Variants in RXFP2 observed in about 807,000 individuals in gnomAD.
The protein encoded by RXFP2 is relaxin family peptide receptor 2.
A neutral mutation model predicts 88.6 loss-of-function variants in RXFP2; 68 were observed. The ratio of observed to expected loss-of-function variants is 0.77; its 90% CI spans 0.63 to 0.94. The LOEUF (loss-of-function observed/expected upper bound fraction) is 0.94, where lower values mean the gene tolerates loss of function less well. RXFP2 is among the 40% of genes least tolerant of loss of function. The probability of loss-of-function intolerance (pLI) is 0.00; values close to 1 mark genes in which losing one functional copy is unlikely to be tolerated. For synonymous variants in RXFP2, 329 were observed against 306.8 expected, an observed-to-expected ratio of 1.07 and a Z score of -0.76; for missense variants, 791 against 893.9, an observed-to-expected ratio of 0.88 and a Z score of 1.47.
intron 1 of RXFP2, among the ~76,000 whole-genome samples, chr13:31,753,270 A>G (rs962316113): frequency 7.9e-5 from 12 of 152,200 alleles, no homozygotes; most frequent in Admixed American, 2.0e-4. Flanking sequence ...CCAATAATCC[A>G]GGGAAAGTGT....
At chr13:31,757,444 A>G (rs1354262986) in intron 1 of RXFP2, among the ~76,000 whole-genome samples, 1 of 152,214 alleles carries the variant, frequency 6.6e-6, no homozygotes, top group Non-Finnish European at 1.5e-5. Context: ...CAAACAGTAG[A>G]CCCAGTAGAC....
In RXFP2 at chr13:31,755,408, C is replaced by T. The variant is rs370235253; in HGVS notation, c.95-2850C>T. Among the ~76,000 whole-genome samples the T allele has an allele frequency of 1.4e-3, 212 of 151,466 alleles. 1 individual carries two copies. Among genetic ancestry groups the T allele is most frequent in the African/African-American group, 4.6e-3 (190 of 41,278 alleles). On this transcript the variant is annotated intron_variant, in intron 1 of 17. Coordinates refer to ENST00000298386, the MANE Select transcript of RXFP2 (RefSeq NM_130806.5). ...GGGTGTGGGTGTGGGCATGAGTGTG[C>T]GTGGGTGTGTGCTAGTGTGTGTGGG... is the stretch of plus-strand genomic sequence containing the variant.
intron 1 of RXFP2, among the ~76,000 whole-genome samples, chr13:31,754,286 T>C (rs1200854792): frequency 6.6e-6 from 1 of 152,202 alleles, no homozygotes; most frequent in East Asian, 1.9e-4. Flanking sequence ...ATCTCAGCAC[T>C]TTGGGAGGCC....
chr13:31,776,305 G>C (rs1240707661), intron 7 of RXFP2, among the ~76,000 whole-genome samples: 1 of 135,006 alleles, frequency 7.4e-6, no homozygotes, highest in African/African-American at 2.8e-5. Flanking sequence ...ACACAGGCTG[G>C]AGTGCACTGG....
At chr13:31,740,478 A>G (rs1871187268) in intron 1 of RXFP2, among the ~76,000 whole-genome samples, 1 of 152,046 alleles carries the variant, frequency 6.6e-6, no homozygotes, top group African/African-American at 2.4e-5. Flanking sequence ...TTTTTCTTAA[A>G]GAATTTTGAT....
chr13:31,756,898 C>T (rs1433124740), intron 1 of RXFP2, among the ~76,000 whole-genome samples: 4 of 151,948 alleles, frequency 2.6e-5, no homozygotes, highest in Admixed American at 6.6e-5. Context: ...GGATTACAGG[C>T]GTGAGCTACT....
chr13:31,759,176 A>G (rs1041477383), intron 2 of RXFP2, among the ~76,000 whole-genome samples: 4 of 151,864 alleles, frequency 2.6e-5, no homozygotes, highest in African/African-American at 9.7e-5. Flanking sequence ...AGCTCAAGGG[A>G]GACAAGTGTC....
intron 15 of RXFP2, 89 bp downstream of exon 15, chr13:31,792,124 A>G (rs556709598): frequency 2.1e-6 from 2 of 940,446 alleles, no homozygotes; most frequent in African/African-American, 1.7e-5. Context: ...CTTTCAACAA[A>G]TGGCATTTAA....
At position 31,761,743 on chromosome 13, in the gene RXFP2, G is replaced by T. The variant is rs9532479; in HGVS notation, c.261G>T (p.Ala87=). 2 of 1,611,954 alleles carry T rather than the reference G, an allele frequency of 1.2e-6. No individual in the cohort carries two copies. Among genetic ancestry groups the T allele is most frequent in the African/African-American group, 1.3e-5 (1 of 74,886 alleles). The change falls in exon 3 of 18, where the codon GCG becomes GCT. Residue 87 remains alanine, a synonymous_variant. Coordinates refer to ENST00000298386, the MANE Select transcript of RXFP2 (RefSeq NM_130806.5). ...EENCGDTSGW[A]TIFGTVHGNA... is the part of the protein sequence containing the mutation. ...TCACAGGTGACACTAGTGGATGGGC[G>T]ACCATATTTGGCACAGTGCATGGAA...
At chr13:31,766,160 G>A in intron 5 of RXFP2, 133 bp downstream of exon 5, 1 of 619,536 alleles carries the variant, frequency 1.6e-6, no homozygotes, top group South Asian at 2.0e-5. Flanking sequence ...ATTAAGATTA[G>A]AAAATAAAAC....
chr13:31,795,964 C>T (rs547333089), intron 16 of RXFP2, among the ~76,000 whole-genome samples: 2 of 147,738 alleles, frequency 1.4e-5, no homozygotes, highest in Non-Finnish European at 3.0e-5. Context: ...AGGTTCTGAA[C>T]CACAGTAGTT....
In RXFP2 at chr13:31,802,427, C is replaced by CT; in HGVS notation, c.*25dup. The CT allele has an allele frequency of 6.2e-7, 1 of 1,611,388 alleles. No homozygotes were observed. Among genetic ancestry groups the CT allele is most frequent in the Non-Finnish European group, 8.5e-7 (1 of 1,178,556 alleles). Reference sequence around the variant, plus strand: ...CTAGCAATCATTTTGGATCACTGGACTTTCAGTGGACTACCTAAAACAGGG... The same window carrying CT: ...CTAGCAATCATTTTGGATCACTGGACTTTTCAGTGGACTACCTAAAACAGGG... On this transcript the variant is annotated 3_prime_UTR_variant, in exon 18 of 18. Coordinates refer to ENST00000298386, the MANE Select transcript of RXFP2 (RefSeq NM_130806.5).
chr13:31,774,881 G>T (rs1024658411), intron 6 of RXFP2, among the ~76,000 whole-genome samples, 190 bp downstream of exon 6: 1 of 152,134 alleles, frequency 6.6e-6, no homozygotes, highest in East Asian at 1.9e-4. Flanking sequence ...GACATACAAA[G>T]GTTCTCCTTA....
At chr13:31,797,463 C>T in intron 17 of RXFP2, 44 bp downstream of exon 17, 1 of 1,415,414 alleles carries the variant, frequency 7.1e-7, no homozygotes, top group Non-Finnish European at 1.0e-6. Flanking sequence ...ATCGTGCCTT[C>T]TTACGTCCTT....
rs780922371 is a variant in RXFP2 at position 31,802,363 on chromosome 13, CA to C, written c.2227del (p.Ile743Ter). 15 of 1,613,992 alleles carry C rather than the reference CA, an allele frequency of 9.3e-6. No homozygotes were observed. Among genetic ancestry groups the C allele is most frequent in the Non-Finnish European group, 1.3e-5 (15 of 1,179,960 alleles). On this transcript the variant is annotated frameshift_variant, in exon 18 of 18. Coordinates refer to ENST00000298386, the MANE Select transcript of RXFP2 (RefSeq NM_130806.5). LOFTEE classifies it high-confidence loss of function. The stretch of plus-strand genomic sequence containing the variant: ...CTTCCCTGAAACTTGGGGTTTTGAA[CA>C]AAATAACACTTGGAGACAGTATAAT... ...SSSLKLGVLN[K>X]ITLGDSIMKP...
At position 31,797,406 on chromosome 13, in the gene RXFP2, G is replaced by C. The variant is rs773513880; in HGVS notation, c.1992G>C (p.Arg664=). 6.2e-7 allele frequency: 1 copy of C among 1,613,292 alleles called. No individual in the cohort carries two copies. Among genetic ancestry groups the C allele is most frequent in the South Asian group, 1.1e-5 (1 of 91,054 alleles). ...VFVVKILSLF[R]VEIPDTMTSW... ...TAGTTAAAATCCTTTCCCTCTTCCG[G>C]GTGGAAATACCAGGTCAGTCTCTTC... Residue 664 remains arginine (R), a synonymous_variant, in exon 17 of 18, where the codon CGG becomes CGC. Transcript: ENST00000298386.
At chr13:31,759,294 G>A (rs73443769) in intron 2 of RXFP2, among the ~76,000 whole-genome samples, 26,472 of 148,858 alleles carry the variant, frequency 0.18, 2,376 homozygotes, top group Middle Eastern at 0.23. Context: ...ACAGGATAAT[G>A]AGATAGAAAG....
intron 8 of RXFP2, 69 bp from the exon 9 acceptor site, chr13:31,778,443 A>T: frequency 9.1e-7 from 1 of 1,098,332 alleles, no homozygotes; most frequent in East Asian, 2.4e-5. Context: ...GAAATTTTAA[A>T]ATAATAAAAA....
intron 1 of RXFP2, among the ~76,000 whole-genome samples, chr13:31,756,195 G>A (rs537152161): frequency 6.6e-6 from 1 of 152,278 alleles, no homozygotes; most frequent in East Asian, 1.9e-4. Context: ...CCTCCTTTAG[G>A]AGAGTCTCCT....
Sources: allele counts gnomAD v4.1 joint callset (sites outside exome capture counted in the v4.1 genomes callset), GRCh38; gene constraint gnomAD v4.1.1; transcripts MANE v1.5; gene names NCBI Gene and HGNC (gene_info 2026-07-23, HGNC 2026-07-21).